Variants in BLTP1 observed in about 807,000 individuals in gnomAD.
BLTP1 encodes the protein fragile site-associated protein.
chr4:122,191,868 A>G, the BLTP1 span, among the ~76,000 whole-genome samples: 583 of 152,252 alleles, frequency 3.8e-3, 7 homozygotes, highest in African/African-American at 0.013. Context: ...GATTTGCCAA[A>G]AAAACCTCTT....
chr4:122,204,404 A>G, the BLTP1 span: 1 of 828,342 alleles, frequency 1.2e-6, no homozygotes, highest in Non-Finnish European at 1.5e-6. Flanking sequence ...CACTTGTATT[A>G]TCTTCACATA....
the BLTP1 span, chr4:122,277,668 C>T: frequency 1.0e-6 from 1 of 973,576 alleles, no homozygotes; most frequent in Non-Finnish European, 1.2e-6. Flanking sequence ...AGACTTTTAT[C>T]ATTTGTTTAC....
the BLTP1 span, chr4:122,196,682 A>C: frequency 3.7e-6 from 6 of 1,611,150 alleles, no homozygotes; most frequent in South Asian, 6.6e-5. Context: ...CAAGTTCTGA[A>C]AGTTTCTGAA....
the BLTP1 span, among the ~76,000 whole-genome samples, chr4:122,295,218 A>T: frequency 6.6e-6 from 1 of 152,328 alleles, no homozygotes; most frequent in East Asian, 1.9e-4. Flanking sequence ...AACTTCCCCA[A>T]CTGAGCAAGA....
chr4:122,266,402 G>A, the BLTP1 span, among the ~76,000 whole-genome samples: 2 of 152,052 alleles, frequency 1.3e-5, no homozygotes, highest in African/African-American at 4.8e-5. Flanking sequence ...AGTCAACTTT[G>A]TGAATGTAAT....
chr4:122,341,419 G>A, the BLTP1 span, among the ~76,000 whole-genome samples: 1 of 152,112 alleles, frequency 6.6e-6, no homozygotes, highest in Non-Finnish European at 1.5e-5. Context: ...TTTCTTGGGA[G>A]TGGTAAATAT....
chr4:122,303,744 A>G, the BLTP1 span, among the ~76,000 whole-genome samples: 7 of 152,186 alleles, frequency 4.6e-5, no homozygotes, highest in Admixed American at 4.6e-4. Context: ...GTGGAGCGTG[A>G]AGATGGGACT....
chr4:122,199,169 GTTCCTTTAGA>G, the BLTP1 span: 12 of 267,102 alleles, frequency 4.5e-5, no homozygotes, highest in Non-Finnish European at 5.8e-5. Context: ...TTGGAACTTT[GTTCCTTTAGA>G]ACATGAGAAG....
the BLTP1 span, chr4:122,336,317 A>T: frequency 5.0e-6 from 8 of 1,611,796 alleles, no homozygotes; most frequent in Non-Finnish European, 6.8e-6. Flanking sequence ...AGCTCTGGAA[A>T]CTATCCCAAT....
At chr4:122,198,125 T>C in the BLTP1 span, 1 of 985,272 alleles carries the variant, frequency 1.0e-6, no homozygotes, top group Non-Finnish European at 1.2e-6. Context: ...CTACGTTCAT[T>C]AGTTTATGTA....
chr4:122,197,759 A>G, the BLTP1 span, among the ~76,000 whole-genome samples: 1 of 152,152 alleles, frequency 6.6e-6, no homozygotes, highest in Non-Finnish European at 1.5e-5. Context: ...TTTCATGTTA[A>G]AAATGTTAAA....
At chr4:122,234,231 C>A in the BLTP1 span, 4 of 604,566 alleles carry the variant, frequency 6.6e-6, no homozygotes, top group East Asian at 4.2e-4. Context: ...AAGGAGTAGA[C>A]CTCGATATTA....
At chr4:122,186,289 T>C in the BLTP1 span, 2,491 of 1,348,376 alleles carry the variant, frequency 1.8e-3, 5 homozygotes, top group Admixed American at 2.9e-3. Flanking sequence ...TAGAATATCA[T>C]TGAGGCTATG....
the BLTP1 span, chr4:122,204,313 A>G: frequency 4.1e-6 from 4 of 977,018 alleles, no homozygotes; most frequent in South Asian, 4.7e-5. Context: ...GAAAGACACT[A>G]AGGTCTGAAA....
chr4:122,257,362 A>G, the BLTP1 span: 3 of 1,614,142 alleles, frequency 1.9e-6, no homozygotes, highest in South Asian at 1.1e-5. Flanking sequence ...GAGTTAGCTT[A>G]CATAGACCAG....
the BLTP1 span, among the ~76,000 whole-genome samples, chr4:122,195,176 G>A: frequency 6.6e-6 from 1 of 152,296 alleles, no homozygotes; most frequent in Admixed American, 6.5e-5. Context: ...ATTGTGAGGA[G>A]TTACTGACTT....
chr4:122,336,776 G>A, the BLTP1 span: 83,591 of 1,296,472 alleles, frequency 0.064, 3,095 homozygotes, highest in Non-Finnish European at 0.073. Context: ...AAATGTTTCC[G>A]GGTGTTCATA....
chr4:122,296,510 T>C, the BLTP1 span, among the ~76,000 whole-genome samples: 2 of 152,206 alleles, frequency 1.3e-5, no homozygotes, highest in Non-Finnish European at 2.9e-5. Flanking sequence ...ATTTATAGAT[T>C]CAATGTTATT....
At chr4:122,264,180 C>T in the BLTP1 span, 1 of 1,425,290 alleles carries the variant, frequency 7.0e-7, no homozygotes, top group Non-Finnish European at 9.2e-7. Context: ...AAAAGTTTAC[C>T]CTGCTGTACA....
Sources: allele counts gnomAD v4.1 joint callset (sites outside exome capture counted in the v4.1 genomes callset), GRCh38; gene constraint gnomAD v4.1.1; transcripts MANE v1.5; gene names NCBI Gene and HGNC (gene_info 2026-07-23, HGNC 2026-07-21).